The following NUMB variants were observed in gnomAD, a reference collection of about 807,000 sequenced individuals.
The protein encoded by NUMB is NUMB endocytic adaptor protein.
NUMB carries 29 observed loss-of-function variants against 59.7 expected under a neutral mutation model. The observed-to-expected ratio is 0.49, with a 90% CI of 0.36 to 0.66. NUMB has a LOEUF of 0.66. NUMB is among the 30% of genes least tolerant of loss of function. The pLI, the probability that NUMB is intolerant of heterozygous loss-of-function variation, is 0.00. For synonymous variants in NUMB, 288 were observed against 288.2 expected (o/e 1.00, Z 0.01); for missense variants, 723 against 822.0 (o/e 0.88, Z 1.47).
chr14:73,278,109 ATCT>A (rs1888324420), intron 12 of NUMB, among the ~76,000 whole-genome samples: 1 of 151,574 alleles, frequency 6.6e-6, no homozygotes, highest in South Asian at 2.1e-4. Flanking sequence ...AAGGCAATTC[ATCT>A]TCTGCTCTAA....
chr14:73,341,316 A>C (rs1892620597), intron 4 of NUMB, among the ~76,000 whole-genome samples: 1 of 152,210 alleles, frequency 6.6e-6, no homozygotes, highest in South Asian at 2.1e-4. Context: ...TGAATATAGG[A>C]TACCAACAGT....
intron 6 of NUMB, among the ~76,000 whole-genome samples, chr14:73,308,685 T>G (rs1890598756): frequency 6.6e-6 from 1 of 152,158 alleles, no homozygotes; most frequent in South Asian, 2.1e-4. Context: ...TCAGCATATA[T>G]TACATAAATG....
At position 73,398,665 on chromosome 14, in the gene NUMB, C is replaced by G. The variant is rs1195521574; in HGVS notation, c.-101+11272G>C. Among the ~76,000 whole-genome samples the G allele has an allele frequency of 3.3e-5, 5 of 151,692 alleles. No homozygotes were observed. The East Asian group carries it at 9.6e-4, about 29-fold the overall frequency. On this transcript the variant is annotated intron_variant, in intron 2 of 12. Transcript: ENST00000555238. ...AGATGCCCAACCTCACAATCAATCA[C>G]AGAAATAGAAATTAAAACAATATAC...
chr14:73,372,876 CT>C (rs1894779781), intron 2 of NUMB, among the ~76,000 whole-genome samples: 1 of 152,048 alleles, frequency 6.6e-6, no homozygotes, highest in South Asian at 2.1e-4. Context: ...GTTTATATTT[CT>C]GTTCACCTTG....
At chr14:73,293,396 T>G (rs1889535447) in intron 7 of NUMB, among the ~76,000 whole-genome samples, 1 of 111,616 alleles carries the variant, frequency 9.0e-6, no homozygotes, top group Non-Finnish European at 1.6e-5. Flanking sequence ...TCTTTTTCTT[T>G]TTTTTTTTTT....
intron 1 of NUMB, among the ~76,000 whole-genome samples, chr14:73,426,574 G>A (rs150250692): frequency 1.7e-3 from 261 of 152,176 alleles, no homozygotes; most frequent in African/African-American, 6.0e-3. Context: ...AGGGCCGGGC[G>A]CGGTGGCTCA....
At chr14:73,389,515 G>C (rs537409769) in intron 2 of NUMB, among the ~76,000 whole-genome samples, 10 of 151,728 alleles carry the variant, frequency 6.6e-5, no homozygotes, top group Admixed American at 5.9e-4. Context: ...GTAGAGACAG[G>C]GTTTCACTGT....
intron 4 of NUMB, among the ~76,000 whole-genome samples, chr14:73,329,284 A>G (rs1891828763): frequency 6.6e-6 from 1 of 152,180 alleles, no homozygotes; most frequent in Non-Finnish European, 1.5e-5. Flanking sequence ...GCCTAGCTCA[A>G]GTTCTCAGAG....
chr14:73,431,237 G>C (rs1457125109), intron 1 of NUMB, among the ~76,000 whole-genome samples: 4 of 149,476 alleles, frequency 2.7e-5, no homozygotes, highest in Non-Finnish European at 5.9e-5. Context: ...TTACAGGCAT[G>C]AGCCACCGCA....
chr14:73,354,801 C>T (rs947343438), intron 4 of NUMB, among the ~76,000 whole-genome samples: 1 of 115,254 alleles, frequency 8.7e-6, no homozygotes, highest in African/African-American at 3.4e-5. Flanking sequence ...GCACTCCAGC[C>T]TGTGCTATGG....
At chr14:73,350,695 CT>C (rs71112733) in intron 4 of NUMB, among the ~76,000 whole-genome samples, 52 of 133,702 alleles carry the variant, frequency 3.9e-4, no homozygotes, top group Non-Finnish European at 3.6e-4. Context: ...CCACATCTAG[CT>C]TTTTTTTTTT....
Position 73,297,266 on chromosome 14 carries a change from T to C in NUMB, c.254A>G (p.Lys85Arg). ...ATCTGCTGAGACCCACAGAACTGCT[T>C]TAACTGCTTTCTTTCCAGTCTTTTA... Reference protein sequence around the residue: ...FFGKTGKKAVKAVLWVSADGL... With the variant: ...FFGKTGKKAVRAVLWVSADGL... Residue 85 changes from lysine (K) to arginine (R), a missense_variant, in exon 7 of 13, where the codon AAA becomes AGA. Lys to Arg is a conservative substitution (Grantham distance 26). Transcript: ENST00000555238. The C allele has an allele frequency of 5.6e-6, 9 of 1,610,428 alleles. No homozygotes were observed. The highest frequency in any genetic ancestry group is 7.6e-6 in the Non-Finnish European group (9 of 1,176,850).
intron 4 of NUMB, among the ~76,000 whole-genome samples, chr14:73,342,689 C>T (rs923252817): frequency 6.6e-6 from 1 of 152,160 alleles, no homozygotes; most frequent in Admixed American, 6.5e-5. Context: ...ATAACAGCAG[C>T]AGCAGCAGCA....
At chr14:73,320,983 A>G (rs1891371291) in intron 5 of NUMB, among the ~76,000 whole-genome samples, 1 of 152,004 alleles carries the variant, frequency 6.6e-6, no homozygotes, top group Admixed American at 6.6e-5. Context: ...TTATTTGTGT[A>G]CTTTTTTGGT....
intron 5 of NUMB, among the ~76,000 whole-genome samples, chr14:73,320,518 C>G (rs1243147538): frequency 6.6e-6 from 1 of 152,176 alleles, no homozygotes; most frequent in Non-Finnish European, 1.5e-5. Flanking sequence ...TAGGCGCAAG[C>G]TACTGTGTTC....
intron 6 of NUMB, among the ~76,000 whole-genome samples, chr14:73,301,183 G>A (rs1441690816): frequency 6.6e-6 from 1 of 152,192 alleles, no homozygotes; most frequent in Non-Finnish European, 1.5e-5. Flanking sequence ...GTAGGAAACA[G>A]GAGACAGCTG....
intron 6 of NUMB, among the ~76,000 whole-genome samples, chr14:73,312,052 T>C (rs1377752875): frequency 6.6e-6 from 1 of 152,154 alleles, no homozygotes; most frequent in Non-Finnish European, 1.5e-5. Flanking sequence ...AAAAATTATA[T>C]ATTAGTATAA....
chr14:73,314,381 GTTAAGGA>G (rs1890963935), intron 6 of NUMB, among the ~76,000 whole-genome samples: 1 of 151,904 alleles, frequency 6.6e-6, no homozygotes, highest in Non-Finnish European at 1.5e-5. Flanking sequence ...TTATTTTTGG[GTTAAGGA>G]TTAAGTGAGA....
At chr14:73,377,492 T>C (rs1413468966) in intron 2 of NUMB, among the ~76,000 whole-genome samples, 5 of 151,514 alleles carry the variant, frequency 3.3e-5, no homozygotes, top group Non-Finnish European at 7.4e-5. Context: ...ATACAAAAAT[T>C]AGCTGGGCTT....
Sources: gnomAD v4.1 joint callset for allele counts (sites outside exome capture counted in the v4.1 genomes callset) on GRCh38, gnomAD v4.1.1 for gene constraint, MANE v1.5 for transcripts, NCBI Gene and HGNC (gene_info 2026-07-23, HGNC 2026-07-21) for gene names.